The following TEAD4 variants were observed in gnomAD, a reference collection of about 807,000 sequenced individuals.
TEAD4 encodes the protein TEA domain transcription factor 4, also known as transcriptional enhancer factor TEF-3.
A neutral mutation model predicts 52.4 loss-of-function variants in TEAD4; 36 were observed. That is an observed-to-expected ratio of 0.69 (90% CI 0.53 to 0.91). TEAD4 has a LOEUF of 0.91. Among genes scored for constraint, TEAD4 ranks in the 40% least tolerant of loss-of-function variants. The pLI is 0.00. For missense variants in TEAD4, 508 were observed against 583.9 expected (o/e 0.87, Z 1.34); for synonymous variants, 220 against 231.0 (o/e 0.95, Z 0.43).
chr12:2,961,609 C>T (rs115635016), intron 2 of TEAD4, among the ~76,000 whole-genome samples: 275 of 152,182 alleles, frequency 1.8e-3, no homozygotes, highest in African/African-American at 6.4e-3. Context: ...GGCTCTCAGG[C>T]TGTTTCCTGG....
intron 11 of TEAD4, among the ~76,000 whole-genome samples, chr12:3,039,750 C>T (rs1396946177): frequency 6.6e-6 from 1 of 152,206 alleles, no homozygotes; most frequent in Non-Finnish European, 1.5e-5. Context: ...TGCAGTGGTA[C>T]GATCTCAGCT....
At chr12:3,029,878 T>TG (rs1379144839) in intron 10 of TEAD4, among the ~76,000 whole-genome samples, 3 of 152,210 alleles carry the variant, frequency 2.0e-5, no homozygotes, top group Non-Finnish European at 4.4e-5. Context: ...GCTGTTTTAT[T>TG]GGGGAAATCA....
At chr12:2,996,876 C>G (rs141360453) in intron 3 of TEAD4, among the ~76,000 whole-genome samples, 1 of 152,050 alleles carries the variant, frequency 6.6e-6, no homozygotes, top group South Asian at 2.1e-4. Flanking sequence ...CCACCACGCT[C>G]GGCTGATTTT....
intron 3 of TEAD4, among the ~76,000 whole-genome samples, chr12:3,003,126 A>C (rs2098252990): frequency 6.6e-6 from 1 of 152,110 alleles, no homozygotes; most frequent in African/African-American, 2.4e-5. Context: ...GCCCCAACCT[A>C]CAGGGGTGCA....
intron 2 of TEAD4, among the ~76,000 whole-genome samples, chr12:2,990,354 G>A (rs1894791): frequency 0.26 from 39,305 of 150,738 alleles, 6,230 homozygotes; most frequent in Middle Eastern, 0.4. Context: ...GTTACTAAGC[G>A]ATATAAAATT....
chr12:3,038,564 C>A (rs982128033), intron 11 of TEAD4, among the ~76,000 whole-genome samples: 1 of 152,212 alleles, frequency 6.6e-6, no homozygotes, highest in Non-Finnish European at 1.5e-5. Context: ...ACTGTTCCTT[C>A]CCTGATTTTC....
intron 3 of TEAD4, among the ~76,000 whole-genome samples, chr12:2,997,688 G>A (rs569416506): frequency 1.8e-4 from 28 of 151,926 alleles, no homozygotes; most frequent in African/African-American, 5.8e-4. Context: ...GGGCAAGGGC[G>A]GAGGGCGCTG....
At chr12:3,034,932 A>T (rs1162163697) in intron 10 of TEAD4, among the ~76,000 whole-genome samples, 1 of 90,190 alleles carries the variant, frequency 1.1e-5, no homozygotes, top group Non-Finnish European at 2.1e-5. Context: ...CACCTCTACT[A>T]AAAAAAAAAA....
chr12:2,996,519 C>G (rs1032408859), intron 3 of TEAD4, among the ~76,000 whole-genome samples: 1 of 151,872 alleles, frequency 6.6e-6, no homozygotes, highest in Non-Finnish European at 1.5e-5. Context: ...AAGCGATTCT[C>G]CCACCTCAGC....
intron 2 of TEAD4, among the ~76,000 whole-genome samples, chr12:2,967,734 T>G (rs1265981265): frequency 6.6e-6 from 1 of 152,218 alleles, no homozygotes; most frequent in Non-Finnish European, 1.5e-5. Context: ...TCATCTCATT[T>G]CATCCTCTCA....
At chr12:3,024,711 G>A (rs1209850453) in intron 10 of TEAD4, among the ~76,000 whole-genome samples, 3 of 152,058 alleles carry the variant, frequency 2.0e-5, no homozygotes, top group African/African-American at 4.8e-5. Context: ...AGGGTATTAT[G>A]ATTACATTTT....
At chr12:3,022,549 A>G (rs895085047) in intron 10 of TEAD4, among the ~76,000 whole-genome samples, 2 of 152,180 alleles carry the variant, frequency 1.3e-5, no homozygotes, top group Non-Finnish European at 2.9e-5. Flanking sequence ...ACACCCACCC[A>G]GCTTCTCAGA....
At chr12:3,006,974 C>T (rs1422685986) in intron 3 of TEAD4, among the ~76,000 whole-genome samples, 1 of 152,030 alleles carries the variant, frequency 6.6e-6, no homozygotes, top group East Asian at 1.9e-4. Context: ...TGCGGTAAGC[C>T]GAGATCACAC....
At chr12:2,983,476 C>T (rs2098235742) in intron 2 of TEAD4, among the ~76,000 whole-genome samples, 1 of 152,058 alleles carries the variant, frequency 6.6e-6, no homozygotes, top group African/African-American at 2.4e-5. Flanking sequence ...CAGAAAGGAC[C>T]CTGGATCCCA....
At chr12:3,039,554 G>T (rs552609495) in intron 11 of TEAD4, among the ~76,000 whole-genome samples, 2 of 152,184 alleles carry the variant, frequency 1.3e-5, no homozygotes, top group Non-Finnish European at 2.9e-5. Context: ...GTGTCCTCAT[G>T]TACAGTCAGG....
chr12:3,021,846 C>G lies in TEAD4; in HGVS notation c.726C>G (p.Tyr242Ter), dbSNP rs779884533. ...CCTCAGACCCACTCTCTCCACAGTA[C>G]AACAAGCACCTGTTCGTGCACATTG... The change falls in exon 10 of 13, where the codon TAC (tyrosine) becomes TAG (stop). Residue 242 changes from tyrosine to a stop codon, truncating the protein, a stop_gained and splice_region_variant. Transcript: ENST00000359864. LOFTEE classifies it high-confidence loss of function. 5 of 1,613,976 alleles carry G rather than the reference C, an allele frequency of 3.1e-6. No individual in the cohort carries two copies. The Admixed American group carries it at 8.3e-5, about 27-fold the overall frequency.
Position 3,012,243 on chromosome 12 carries a change from T to C in TEAD4, c.354+11T>C. ...CAGGCCAAGCTAAAGGTAAGGAAACTGCAGTGGGGGTGCTGGAGTGGCCAG... is the reference window on the plus strand; with the variant it reads ...CAGGCCAAGCTAAAGGTAAGGAAACCGCAGTGGGGGTGCTGGAGTGGCCAG... On this transcript the variant is annotated intron_variant, in intron 5 of 12. Transcript: ENST00000359864. The C allele has an allele frequency of 6.2e-7, 1 of 1,613,758 alleles. No individual in the cohort carries two copies. The highest frequency in any genetic ancestry group is 1.1e-5 in the South Asian group (1 of 91,034).
intron 10 of TEAD4, among the ~76,000 whole-genome samples, chr12:3,023,196 A>G (rs2098269854): frequency 6.6e-6 from 1 of 152,086 alleles, no homozygotes; most frequent in Admixed American, 6.6e-5. Context: ...GGCCTGAGGG[A>G]TGGGCACATC....
intron 8 of TEAD4, 97 bp from the exon 9 acceptor site, chr12:3,020,537 C>T: frequency 2.9e-6 from 4 of 1,380,668 alleles, no homozygotes; most frequent in East Asian, 2.7e-5. Context: ...CCCCAGGCAG[C>T]ACGGGTCTGT....
Sources: allele counts gnomAD v4.1 joint callset (sites outside exome capture counted in the v4.1 genomes callset), GRCh38; gene constraint gnomAD v4.1.1; transcripts MANE v1.5; gene names NCBI Gene and HGNC (gene_info 2026-07-23, HGNC 2026-07-21).